UNC45B: variants seen among roughly 807,000 people sequenced by gnomAD.
UNC45B encodes unc-45 myosin chaperone B.
In UNC45B, 78 loss-of-function variants were observed where a neutral mutation model predicts 98.7. The ratio of observed to expected loss-of-function variants is 0.79; its 90% CI spans 0.66 to 0.95. UNC45B has a LOEUF of 0.95. Among genes scored for constraint, UNC45B ranks in the 40% least tolerant of loss-of-function variants. The probability of loss-of-function intolerance (pLI) is 0.00; values close to 1 mark genes in which losing one functional copy is unlikely to be tolerated. For missense variants in UNC45B, 1,225 were observed against 1,184.9 expected, an observed-to-expected ratio of 1.03 and a Z score of -0.50; for synonymous variants, 462 against 480.4, an observed-to-expected ratio of 0.96 and a Z score of 0.50.
intron 12 of UNC45B, among the ~76,000 whole-genome samples, chr17:35,170,529 T>TAAAAAAAAAAA (rs35208483): frequency 1.4e-5 from 1 of 70,080 alleles, no homozygotes; most frequent in Non-Finnish European, 2.7e-5. Context: ...CTGAGGCAGC[T>TAAAAAAAAAAA]AAAAAAAAAA....
At position 35,177,842 on chromosome 17, in the gene UNC45B, CT is replaced by C. The variant is rs80168474; in HGVS notation, c.2255+236del. 0.076 allele frequency among the ~76,000 whole-genome samples: 11,342 copies of C among 149,916 alleles called. 544 individuals carry two copies. Among genetic ancestry groups the C allele is most frequent in the East Asian group, 0.15 (741 of 4,796 alleles). The stretch of plus-strand genomic sequence containing the variant: ...TTTCTTTCCTTTTCTTTTCTTTTGT[CT>C]TTTCTTTTCTCTTCTCTTCTCTTTT... On this transcript the variant is annotated intron_variant, in intron 17 of 19. Coordinates refer to ENST00000394570, the MANE Select transcript of UNC45B (RefSeq NM_001267052.2).
intron 12 of UNC45B, among the ~76,000 whole-genome samples, chr17:35,170,967 G>A (rs1229513042): frequency 6.6e-6 from 1 of 152,174 alleles, no homozygotes; most frequent in Non-Finnish European, 1.5e-5. Flanking sequence ...GTAAATGGAG[G>A]AAGCATGGGA....
chr17:35,173,125 C>CTTTT (rs11428951), intron 13 of UNC45B, among the ~76,000 whole-genome samples: 22 of 126,114 alleles, frequency 1.7e-4, no homozygotes, highest in South Asian at 2.5e-4. Context: ...AATTTTTATA[C>CTTTT]TTTTTTTTTT....
intron 13 of UNC45B, among the ~76,000 whole-genome samples, chr17:35,173,351 C>T (rs2092202655): frequency 6.6e-6 from 1 of 152,022 alleles, no homozygotes; most frequent in Non-Finnish European, 1.5e-5. Context: ...GTCTCGAACT[C>T]CTGGGCTCAA....
In UNC45B at chr17:35,186,293, C is replaced by A; in HGVS notation, c.2530-6C>A. ...GCACCTTCCTTACCTTTTTCCCTGCCTCCAGACAACCCAGTGGTTGGAGAT... is the reference window on the plus strand; with the variant it reads ...GCACCTTCCTTACCTTTTTCCCTGCATCCAGACAACCCAGTGGTTGGAGAT... On this transcript the variant is annotated splice_region_variant and splice_polypyrimidine_tract_variant and intron_variant, in intron 19 of 19. Transcript: ENST00000394570. 6.2e-7 allele frequency: 1 copy of A among 1,613,112 alleles called. No individual in the cohort carries two copies. Among genetic ancestry groups the A allele is most frequent in the Non-Finnish European group, 8.5e-7 (1 of 1,179,738 alleles).
chr17:35,162,257 A>C (rs774794576), intron 8 of UNC45B, among the ~76,000 whole-genome samples: 2 of 152,096 alleles, frequency 1.3e-5, no homozygotes, highest in Non-Finnish European at 2.9e-5. Flanking sequence ...CATCCGAAGG[A>C]GGGTAGTCTT....
chr17:35,170,964 G>A (rs797012958), intron 12 of UNC45B, among the ~76,000 whole-genome samples: 3 of 152,270 alleles, frequency 2.0e-5, no homozygotes, highest in Non-Finnish European at 2.9e-5. Flanking sequence ...CCAGTAAATG[G>A]AGGAAGCATG....
At chr17:35,158,921 A>T (rs1215268816) in intron 7 of UNC45B, among the ~76,000 whole-genome samples, 2 of 152,352 alleles carry the variant, frequency 1.3e-5, no homozygotes, top group East Asian at 1.9e-4. Flanking sequence ...ACCAGTGGGC[A>T]GGAAGTCCCG....
chr17:35,177,811 CT>C (rs1190162203), intron 17 of UNC45B, among the ~76,000 whole-genome samples: 5 of 151,810 alleles, frequency 3.3e-5, no homozygotes, highest in Admixed American at 2.0e-4. Context: ...TTTTTCTTTT[CT>C]TTTTTTTCTT....
In UNC45B at chr17:35,152,918, C is replaced by CGAGGGT; in HGVS notation, c.408_413dup (p.Arg137_Val138dup). 6.2e-7 allele frequency: 1 copy of CGAGGGT among 1,614,020 alleles called. No individual in the cohort carries two copies. The highest frequency in any genetic ancestry group is 8.5e-7 in the Non-Finnish European group (1 of 1,179,986). ...CTCCGAGTGCAGTTCTCCACAGACTCGAGGGTACAGAAGATGTTTGAGATC... is the reference window on the plus strand; with the variant it reads ...CTCCGAGTGCAGTTCTCCACAGACTCGAGGGTGAGGGTACAGAAGATGTTTGAGATC... On this transcript the variant is annotated inframe_insertion, in exon 5 of 20. Transcript: ENST00000394570.
At position 35,152,965 on chromosome 17, in the gene UNC45B, G is replaced by T. The variant is rs1173252221; in HGVS notation, c.454G>T (p.Ala152Ser). 6.2e-7 allele frequency: 1 copy of T among 1,613,858 alleles called. No individual in the cohort carries two copies. ...FEILLDENSE[A>S]DKREKAANNL... ...GATCCTCTTGGATGAAAACAGTGAG[G>T]CTGATAAGCGGGAAAAGGTGAGTGC... Residue 152 changes from alanine to serine, a missense_variant, in exon 5 of 20, where the codon GCT (alanine) becomes TCT (serine). Transcript: ENST00000394570.
chr17:35,176,301 G>A (rs924838723), intron 15 of UNC45B, among the ~76,000 whole-genome samples: 1 of 152,100 alleles, frequency 6.6e-6, no homozygotes, highest in African/African-American at 2.4e-5. Flanking sequence ...ACTTGTAGTT[G>A]AGTTCTTGCT....
chr17:35,161,674 G>C (rs2092103308), intron 8 of UNC45B, among the ~76,000 whole-genome samples: 1 of 152,188 alleles, frequency 6.6e-6, no homozygotes, highest in South Asian at 2.1e-4. Flanking sequence ...GCTAACCTCT[G>C]AAGTGATAAG....
At chr17:35,177,864 CTTTTCTTTCTTTTCTTTTCTTT>C (rs2092246989) in intron 17 of UNC45B, among the ~76,000 whole-genome samples, 2 of 149,516 alleles carry the variant, frequency 1.3e-5, no homozygotes, top group Non-Finnish European at 3.0e-5. Context: ...CTTCTCTTCT[CTTTTCTTTCTTTTCTTTTCTTT>C]TTTTCTTTCT....
In UNC45B at chr17:35,186,721, C is replaced by T. The variant is rs2092306785; in HGVS notation, c.*162C>T. On this transcript the variant is annotated 3_prime_UTR_variant, in exon 20 of 20. Coordinates refer to ENST00000394570, the MANE Select transcript of UNC45B (RefSeq NM_001267052.2). The stretch of plus-strand genomic sequence containing the variant: ...TGTTCTCTGAGTTGTGAGTCTTCTC[C>T]TTTGTCCTGACAGAGTTTGGATGTT... The T allele has an allele frequency of 1.3e-6, 1 of 767,524 alleles. No homozygotes were observed. Among genetic ancestry groups the T allele is most frequent in the Non-Finnish European group, 2.0e-6 (1 of 501,060 alleles). 47.5% of individuals were successfully genotyped at this position (767,524 alleles called of 1,614,324 possible).
Position 35,155,460 on chromosome 17 carries a change from T to G in UNC45B, c.804T>G (p.Val268=). Residue 268 remains valine, a synonymous_variant, in exon 7 of 20, where the codon GTT becomes GTG. Transcript: ENST00000394570. ...REHRGKEEAL[V]LDTKKDLKQI... is the part of the protein sequence containing the mutation. ...ATCGAGGGAAGGAGGAGGCCCTGGT[T>G]CTAGGTAGGAAACATTCTTCAGTTT... 6.2e-7 allele frequency: 1 copy of G among 1,614,018 alleles called. No individual in the cohort carries two copies. The highest frequency in any genetic ancestry group is 1.7e-5 in the Admixed American group (1 of 60,010).
Position 35,149,009 on chromosome 17 carries a change from G to A in UNC45B, c.205G>A (p.Ala69Thr). 5 of 1,614,092 alleles carry A rather than the reference G, an allele frequency of 3.1e-6. No homozygotes were observed. Among genetic ancestry groups the A allele is most frequent in the Non-Finnish European group, 4.2e-6 (5 of 1,180,020 alleles). The change falls in exon 3 of 20, where the codon GCC becomes ACC. Residue 69 changes from alanine (A) to threonine (T), a missense_variant and splice_region_variant. Physicochemically the swap from Ala to Thr is moderately conservative, Grantham distance 58 (BLOSUM62 0). Coordinates refer to ENST00000394570, the MANE Select transcript of UNC45B (RefSeq NM_001267052.2). ...CCAGGCAGCTTCAGATGCCTCCAGA[G>A]GTGAGCCCCTCCCACCTCCAAGCTT... Reference protein sequence around the residue: ...YVQAASDASRAIDINSSDIKA... With the variant: ...YVQAASDASRTIDINSSDIKA...
intron 8 of UNC45B, among the ~76,000 whole-genome samples, chr17:35,161,804 CG>C (rs201958590): frequency 0.017 from 2,554 of 152,100 alleles, 38 homozygotes; most frequent in Non-Finnish European, 0.022. Flanking sequence ...TTGGAACTTT[CG>C]GCCCCCCACC....
At chr17:35,177,643 A>G (rs760941169) in intron 17 of UNC45B, 33 bp downstream of exon 17, 1 of 1,480,298 alleles carries the variant, frequency 6.8e-7, no homozygotes. Flanking sequence ...GGGTGGAGAG[A>G]GGTGGCTCAA....
Sources: gnomAD v4.1 joint callset for allele counts (sites outside exome capture counted in the v4.1 genomes callset) on GRCh38, gnomAD v4.1.1 for gene constraint, MANE v1.5 for transcripts, NCBI Gene and HGNC (gene_info 2026-07-23, HGNC 2026-07-21) for gene names.